SRFBP1: variants seen among roughly 807,000 people sequenced by gnomAD.
SRFBP1 encodes serum response factor-binding protein 1.
A neutral mutation model predicts 45.5 loss-of-function variants in SRFBP1; 47 were observed. The observed-to-expected ratio is 1.03, with a 90% CI of 0.82 to 1.32. SRFBP1 has a LOEUF of 1.32. Ranked by LOEUF, SRFBP1 falls within the 40% of genes most tolerant of loss-of-function variation. The pLI is 0.00. For synonymous variants in SRFBP1, 203 were observed against 166.3 expected, an observed-to-expected ratio of 1.22 and a Z score of -1.70; for missense variants, 621 against 484.6, an observed-to-expected ratio of 1.28 and a Z score of -2.64.
At chr5:122,002,293 G>A (rs1031518169) in intron 4 of SRFBP1, among the ~76,000 whole-genome samples, 10 of 151,990 alleles carry the variant, frequency 6.6e-5, no homozygotes, top group Non-Finnish European at 1.5e-4. Flanking sequence ...AACATAGCAG[G>A]GTTTTGATCT....
At chr5:122,077,241 G>T (rs1754664885), downstream of SRFBP1, 4 of 1,520,510 alleles carry the variant, frequency 2.6e-6, no homozygotes, top group Non-Finnish European at 3.5e-6. The surrounding 1 kb of genome is among the most constrained non-coding windows in gnomAD (Gnocchi z 4.9). Flanking sequence ...GCGCGTGGGG[G>T]AGGGATCGGA....
chr5:121,975,724 G>T (rs984666134), intron 3 of SRFBP1, among the ~76,000 whole-genome samples: 2 of 151,918 alleles, frequency 1.3e-5, no homozygotes, highest in Admixed American at 1.3e-4. Context: ...AAGTCTTCAT[G>T]CTATTTGGGA....
chr5:122,009,983 C>G (rs1561590324), intron 4 of SRFBP1, among the ~76,000 whole-genome samples: 1 of 152,170 alleles, frequency 6.6e-6, no homozygotes, highest in Non-Finnish European at 1.5e-5. Flanking sequence ...TCCCCTTTAA[C>G]CTTCCCTTCC....
At chr5:122,021,028 A>C (rs1753305189) in intron 6 of SRFBP1, among the ~76,000 whole-genome samples, 1 of 152,226 alleles carries the variant, frequency 6.6e-6, no homozygotes, top group South Asian at 2.1e-4. Flanking sequence ...TAGCCAAATA[A>C]TATGCCAGCT....
chr5:122,078,355 C>G (rs1474811152), downstream of SRFBP1: 1 of 182,292 alleles, frequency 5.5e-6, no homozygotes, highest in Non-Finnish European at 1.1e-5. Flanking sequence ...TATTTGTTCA[C>G]GTAATGCGAT....
intron 3 of SRFBP1, among the ~76,000 whole-genome samples, chr5:121,983,121 C>A (rs1752444839): frequency 6.6e-6 from 1 of 151,428 alleles, no homozygotes; most frequent in South Asian, 2.1e-4. Flanking sequence ...CAGTAAGTAA[C>A]TGGTCTTACA....
At chr5:121,965,546 T>C (rs549957790) in intron 1 of SRFBP1, among the ~76,000 whole-genome samples, 2 of 152,310 alleles carry the variant, frequency 1.3e-5, no homozygotes, top group African/African-American at 4.8e-5. Context: ...TCCATTGGTC[T>C]ATATATCTGT....
rs367546455 is a variant in SRFBP1 at position 121,974,193 on chromosome 5, A to G, written c.37-3A>G. 2 of 1,603,870 alleles carry G rather than the reference A, an allele frequency of 1.2e-6. No individual in the cohort carries two copies. Among genetic ancestry groups the G allele is most frequent in the Non-Finnish European group, 1.7e-6 (2 of 1,171,754 alleles). On this transcript the variant is annotated splice_region_variant and splice_polypyrimidine_tract_variant and intron_variant, in intron 1 of 7. Coordinates refer to ENST00000339397, the MANE Select transcript of SRFBP1 (RefSeq NM_152546.3). ...CTTCTAATTATTGCTTTATTCTTCA[A>G]AGGTTGTGAAGATGAGAAAAGAAGT...
At chr5:121,992,129 C>G (rs929420859) in intron 3 of SRFBP1, among the ~76,000 whole-genome samples, 1 of 152,056 alleles carries the variant, frequency 6.6e-6, no homozygotes, top group Non-Finnish European at 1.5e-5. Flanking sequence ...AATGTATTGT[C>G]TTACAGTGCT....
At chr5:122,034,199 A>G (rs957942178) in intron 2 of SRFBP1, among the ~76,000 whole-genome samples, 26 of 152,224 alleles carry the variant, frequency 1.7e-4, no homozygotes, top group African/African-American at 6.0e-4. Flanking sequence ...TTATGAACCC[A>G]AATGAAGATC....
intron 2 of SRFBP1, chr5:122,066,676 T>C: frequency 7.7e-7 from 1 of 1,302,952 alleles, no homozygotes; most frequent in Non-Finnish European, 1.1e-6. Context: ...CTACTGAAGT[T>C]AGTCTATTTT....
chr5:122,026,808 T>C, intron 7 of SRFBP1, 134 bp from the exon 8 acceptor site: 1 of 622,336 alleles, frequency 1.6e-6, no homozygotes, highest in Non-Finnish European at 2.6e-6. Flanking sequence ...TAGACTTCAG[T>C]TTTAAATTGT....
intron 2 of SRFBP1, among the ~76,000 whole-genome samples, chr5:122,044,658 T>C (rs1385838073): frequency 2.0e-5 from 3 of 152,202 alleles, no homozygotes; most frequent in Non-Finnish European, 4.4e-5. Context: ...TGTCTTCTTT[T>C]GAAAAGTGTC....
chr5:122,077,882 G>A (rs757946184), downstream of SRFBP1: 4 of 1,536,092 alleles, frequency 2.6e-6, no homozygotes, highest in Admixed American at 4.2e-5. The surrounding 1 kb of genome is among the most constrained non-coding windows in gnomAD (Gnocchi z 4.9). Context: ...AGCCGCCGGC[G>A]GCTCGCGCGG....
At chr5:122,045,234 A>G (rs947663897) in intron 2 of SRFBP1, among the ~76,000 whole-genome samples, 8 of 152,130 alleles carry the variant, frequency 5.3e-5, no homozygotes, top group African/African-American at 1.9e-4. Flanking sequence ...TTGTACCAGG[A>G]CCATGCTGTT....
intron 4 of SRFBP1, among the ~76,000 whole-genome samples, chr5:122,010,365 A>G (rs753713589): frequency 3.3e-5 from 5 of 152,134 alleles, no homozygotes; most frequent in Non-Finnish European, 7.4e-5. Context: ...GGGACCAAAT[A>G]CATTTAGAAA....
intron 7 of SRFBP1, among the ~76,000 whole-genome samples, chr5:122,024,806 T>C (rs1303727686): frequency 6.6e-6 from 1 of 152,244 alleles, no homozygotes. Context: ...AAAGGGTTTT[T>C]TGTGCTTAGC....
chr5:122,018,983 T>G (rs1753241312), intron 4 of SRFBP1, among the ~76,000 whole-genome samples: 1 of 152,160 alleles, frequency 6.6e-6, no homozygotes, highest in African/African-American at 2.4e-5. Flanking sequence ...CACATGGTGC[T>G]TATCACAATT....
At chr5:122,066,601 T>C (rs1754305266) in intron 2 of SRFBP1, 2 of 640,590 alleles carry the variant, frequency 3.1e-6, no homozygotes, top group East Asian at 2.6e-5. Flanking sequence ...TGCTTTGTTA[T>C]TGAAAACAGT....
Sources: allele counts gnomAD v4.1 joint callset (sites outside exome capture counted in the v4.1 genomes callset), GRCh38; gene constraint gnomAD v4.1.1; non-coding constraint Gnocchi (gnomAD v3.1); transcripts MANE v1.5; gene names NCBI Gene and HGNC (gene_info 2026-07-23, HGNC 2026-07-21).